The following CEP63 variants were observed in gnomAD, a reference collection of about 807,000 sequenced individuals.
CEP63 encodes centrosomal protein of 63 kDa.
A neutral mutation model predicts 89.1 loss-of-function variants in CEP63; 84 were observed. That is an observed-to-expected ratio of 0.94 (90% CI 0.79 to 1.13). The LOEUF (loss-of-function observed/expected upper bound fraction) is 1.13. CEP63 is among the 50% of genes most tolerant of loss of function. CEP63 has a pLI of 0.00. For missense variants in CEP63, 838 were observed against 813.3 expected, an observed-to-expected ratio of 1.03 and a Z score of -0.37; for synonymous variants, 267 against 272.5, an observed-to-expected ratio of 0.98 and a Z score of 0.20.
At chr3:134,600,321 C>G in the CEP63 span, among the ~76,000 whole-genome samples, 1 of 152,232 alleles carries the variant, frequency 6.6e-6, no homozygotes, top group African/African-American at 2.4e-5. Context: ...AAGAGGATTT[C>G]ACAAACTTTC....
intron 10 of CEP63, among the ~76,000 whole-genome samples, chr3:134,584,956 G>GTTTTTTTTTTTTTTTTTTT (rs780691730): frequency 0.023 from 814 of 34,798 alleles, 61 homozygotes; most frequent in East Asian, 0.055. Flanking sequence ...ATTTTCTAGG[G>GTTTTTTTTTTTTTTTTTTT]TTTTTTTTTT....
At chr3:134,553,262 T>C (rs1344988415) in intron 12 of CEP63, 1 of 152,142 alleles carries the variant, frequency 6.6e-6, no homozygotes, top group Non-Finnish European at 1.5e-5. Flanking sequence ...TTATTTCAAC[T>C]GGAAAAATGG....
chr3:134,661,667 T>C, the CEP63 span, among the ~76,000 whole-genome samples: 296 of 150,330 alleles, frequency 2.0e-3, 2 homozygotes, highest in Admixed American at 3.2e-3. Flanking sequence ...GAAGATATTA[T>C]GAAAAGAGAG....
At chr3:134,536,461 T>C (rs564484299) in intron 5 of CEP63, 8 of 153,018 alleles carry the variant, frequency 5.2e-5, no homozygotes, top group Admixed American at 1.3e-4. Context: ...TTTGCCCCAT[T>C]TTCATAAATA....
chr3:134,527,132 G>A (rs1948816143), intron 3 of CEP63, among the ~76,000 whole-genome samples: 1 of 152,234 alleles, frequency 6.6e-6, no homozygotes, highest in Non-Finnish European at 1.5e-5. Context: ...GGACACACTT[G>A]TCAGCTATGC....
At chr3:134,766,639 C>T in the CEP63 span, among the ~76,000 whole-genome samples, 1 of 152,250 alleles carries the variant, frequency 6.6e-6, no homozygotes. Flanking sequence ...ACTGGAGAAG[C>T]ACAGCCATGG....
chr3:134,655,692 A>G, the CEP63 span, among the ~76,000 whole-genome samples: 1 of 152,126 alleles, frequency 6.6e-6, no homozygotes. Context: ...CTGAGGCTGC[A>G]TAGTGCCCGA....
chr3:134,498,376 G>A (rs778548778), intron 2 of CEP63, among the ~76,000 whole-genome samples: 13 of 151,898 alleles, frequency 8.6e-5, no homozygotes, highest in Non-Finnish European at 1.8e-4. Flanking sequence ...TTGGTGTATA[G>A]AAACATTACT....
chr3:134,707,740 T>TTTTTC, the CEP63 span, among the ~76,000 whole-genome samples: 1 of 1,092 alleles, frequency 9.2e-4, no homozygotes, highest in African/African-American at 0.01. Flanking sequence ...GATTCTTTTC[T>TTTTTC]TTTTTTTTTT....
the CEP63 span, among the ~76,000 whole-genome samples, chr3:134,681,676 C>T: frequency 6.6e-6 from 1 of 152,084 alleles, no homozygotes; most frequent in African/African-American, 2.4e-5. Flanking sequence ...CGGGAAAGAG[C>T]GAGTAGATCC....
rs765275868 is a variant in CEP63 at position 134,546,225 on chromosome 3, A to G, written c.866A>G (p.Gln289Arg). Residue 289 changes from glutamine (Q) to arginine (R), a missense_variant, in exon 8 of 15, where the codon CAA becomes CGA. Gln to Arg is a conservative substitution (Grantham distance 43). Coordinates refer to ENST00000675561, the MANE Select transcript of CEP63 (RefSeq NM_001353108.3). ...AATCTCATACATGAGGCCAGAATACAAAAGGAGAAGTTACAAGAAAAAGTA... is the reference window on the plus strand; with the variant it reads ...AATCTCATACATGAGGCCAGAATACGAAAGGAGAAGTTACAAGAAAAAGTA... ...QENLIHEARI[Q>R]KEKLQEKVKA... 6.2e-7 allele frequency: 1 copy of G among 1,613,938 alleles called. No homozygotes were observed. Among genetic ancestry groups the G allele is most frequent in the East Asian group, 2.2e-5 (1 of 44,810 alleles).
the CEP63 span, chr3:134,643,411 C>A: frequency 2.9e-5 from 46 of 1,594,282 alleles, no homozygotes; most frequent in Non-Finnish European, 3.8e-5. Context: ...CCTGCAGTGA[C>A]CACTGGGGAA....
At chr3:134,651,106 C>T in the CEP63 span, 2 of 1,512,302 alleles carry the variant, frequency 1.3e-6, no homozygotes, top group Non-Finnish European at 1.8e-6. Context: ...CCGCAGGGCG[C>T]TGCTTTTCGC....
the CEP63 span, chr3:134,610,680 G>T: frequency 2.4e-5 from 7 of 296,704 alleles, 1 homozygote; most frequent in Admixed American, 3.5e-4. Flanking sequence ...CATCCCTAGA[G>T]CCTGCTTGAC....
chr3:134,564,117 T>A lies in CEP63; in HGVS notation c.*2582T>A, dbSNP rs554686265. On this transcript the variant is annotated 3_prime_UTR_variant, in exon 15 of 15. Transcript: ENST00000675561. Reference sequence around the variant, plus strand: ...TTCATTACTTGATTTATGTTTGTACTGTCTATTTCTGTCTTTAGAATTAAA... The same window carrying A: ...TTCATTACTTGATTTATGTTTGTACAGTCTATTTCTGTCTTTAGAATTAAA... 6 of 207,502 alleles carry A rather than the reference T, an allele frequency of 2.9e-5. No homozygotes were observed. Among genetic ancestry groups the A allele is most frequent in the Non-Finnish European group, 3.4e-5 (4 of 118,774 alleles). The allele number at this position is 207,502 out of a possible 1,614,324, so 12.9% of individuals were successfully genotyped here.
At chr3:134,570,403 C>T (rs944309683) in intron 11 of CEP63, among the ~76,000 whole-genome samples, 2 of 152,128 alleles carry the variant, frequency 1.3e-5, no homozygotes, top group Admixed American at 6.5e-5. Flanking sequence ...TGCCAGATAC[C>T]CTAAATCATC....
chr3:134,518,687 T>C (rs1559923262), intron 3 of CEP63, among the ~76,000 whole-genome samples: 1 of 152,108 alleles, frequency 6.6e-6, no homozygotes, highest in Non-Finnish European at 1.5e-5. Context: ...ACATTTTATA[T>C]ACAGCTAAAA....
At chr3:134,650,737 G>T in the CEP63 span, 2 of 1,252,044 alleles carry the variant, frequency 1.6e-6, no homozygotes, top group Middle Eastern at 2.9e-4. Flanking sequence ...GTTCGGGGGA[G>T]CAATGGGCGC....
At chr3:134,691,904 G>C in the CEP63 span, among the ~76,000 whole-genome samples, 20 of 151,966 alleles carry the variant, frequency 1.3e-4, no homozygotes, top group Non-Finnish European at 2.1e-4. Flanking sequence ...TAGAGATGAG[G>C]TTTCACCATG....
Sources: gnomAD v4.1 joint callset for allele counts (sites outside exome capture counted in the v4.1 genomes callset) on GRCh38, gnomAD v4.1.1 for gene constraint, MANE v1.5 for transcripts, NCBI Gene and HGNC (gene_info 2026-07-23, HGNC 2026-07-21) for gene names.